DLG2: variants seen among roughly 807,000 people sequenced by gnomAD.
The protein encoded by DLG2 is discs large MAGUK scaffold protein 2.
In DLG2, 45 loss-of-function variants were observed where a neutral mutation model predicts 132.5. The observed-to-expected ratio is 0.34, with a 90% CI of 0.27 to 0.44. The LOEUF is 0.44. Among genes scored for constraint, DLG2 ranks in the 20% least tolerant of loss-of-function variants. The pLI is 1.00. For synonymous variants in DLG2, 424 were observed against 419.6 expected, an observed-to-expected ratio of 1.01 and a Z score of -0.13; for missense variants, 1,045 against 1,196.9, an observed-to-expected ratio of 0.87 and a Z score of 1.87.
intron 4 of DLG2, among the ~76,000 whole-genome samples, chr11:85,273,762 C>G (rs565374005): frequency 6.6e-6 from 1 of 152,266 alleles, no homozygotes; most frequent in Admixed American, 6.5e-5. Context: ...TGGGTATATA[C>G]CCAAAGGATT....
chr11:83,495,837 A>G (rs2094122023), intron 21 of DLG2, among the ~76,000 whole-genome samples: 1 of 152,206 alleles, frequency 6.6e-6, no homozygotes, highest in Admixed American at 6.5e-5. Flanking sequence ...TTATTAAGGG[A>G]TAGATTACAG....
At chr11:85,493,182 T>C (rs554795286) in intron 3 of DLG2, among the ~76,000 whole-genome samples, 1 of 152,184 alleles carries the variant, frequency 6.6e-6, no homozygotes, top group African/African-American at 2.4e-5. Context: ...TATATGGTAG[T>C]AGTACATGAG....
intron 6 of DLG2, among the ~76,000 whole-genome samples, chr11:84,679,928 A>G (rs2153705350): frequency 6.6e-6 from 1 of 152,264 alleles, no homozygotes; most frequent in East Asian, 1.9e-4. Context: ...TGACTATTAC[A>G]GCCACACTTT....
intron 4 of DLG2, among the ~76,000 whole-genome samples, chr11:85,209,366 C>T (rs1311539191): frequency 6.6e-6 from 1 of 150,892 alleles, no homozygotes; most frequent in Non-Finnish European, 1.5e-5. Flanking sequence ...CATCAAAGAC[C>T]ATGGAGCAGA....
chr11:85,434,604 C>G (rs754382498), intron 3 of DLG2, among the ~76,000 whole-genome samples: 2 of 152,096 alleles, frequency 1.3e-5, no homozygotes, highest in African/African-American at 4.8e-5. Flanking sequence ...GACACATATA[C>G]CCTCCCAAGA....
chr11:84,815,967 A>G (rs1256484966), intron 6 of DLG2, among the ~76,000 whole-genome samples: 1 of 151,860 alleles, frequency 6.6e-6, no homozygotes, highest in African/African-American at 2.4e-5. Context: ...ATTGGCTGTT[A>G]CTCTTTCAGT....
At chr11:85,264,738 TTC>T (rs2077116680) in intron 4 of DLG2, among the ~76,000 whole-genome samples, 1 of 152,142 alleles carries the variant, frequency 6.6e-6, no homozygotes, top group Non-Finnish European at 1.5e-5. Flanking sequence ...CTAAGCATCT[TTC>T]TCTCTCAAAA....
chr11:85,614,563 T>C lies in DLG2; in HGVS notation c.-93+12024A>G, dbSNP rs377134911. On this transcript the variant is annotated intron_variant, in intron 2 of 27. Coordinates refer to ENST00000376104, the MANE Select transcript of DLG2 (RefSeq NM_001142699.3). ...GCTGAGGCAGAAGAACAGCTTGAAC[T>C]TGGGAGGCAGAGGTTGCAGTAAGCC... Among the ~76,000 whole-genome samples the C allele has an allele frequency of 2.6e-5, 4 of 152,206 alleles. No individual in the cohort carries two copies. The East Asian group carries it at 5.8e-4, about 22-fold the overall frequency.
At chr11:85,312,110 T>C (rs2080351743) in intron 3 of DLG2, among the ~76,000 whole-genome samples, 1 of 152,034 alleles carries the variant, frequency 6.6e-6, no homozygotes, top group African/African-American at 2.4e-5. Flanking sequence ...CCATACTCTG[T>C]ACATTCCTCT....
chr11:84,761,886 C>T (rs1027058916), intron 6 of DLG2, among the ~76,000 whole-genome samples: 1 of 152,188 alleles, frequency 6.6e-6, no homozygotes, highest in East Asian at 1.9e-4. Flanking sequence ...TTCTGTCCCT[C>T]TAGAAAACCC....
chr11:84,664,444 C>T (rs141971483), intron 6 of DLG2, among the ~76,000 whole-genome samples: 1 of 152,262 alleles, frequency 6.6e-6, no homozygotes, highest in East Asian at 1.9e-4. Flanking sequence ...AAGACTTTGA[C>T]AAATGTTTAT....
At chr11:83,882,975 C>CGAGAATA (rs1317863687) in intron 15 of DLG2, among the ~76,000 whole-genome samples, 2 of 152,204 alleles carry the variant, frequency 1.3e-5, no homozygotes, top group African/African-American at 2.4e-5. Flanking sequence ...TCCTGTGCCA[C>CGAGAATA]TGCGACCCAT....
intron 6 of DLG2, among the ~76,000 whole-genome samples, chr11:84,718,869 C>T (rs562982817): frequency 3.9e-5 from 6 of 152,228 alleles, no homozygotes; most frequent in South Asian, 2.1e-4. Context: ...AAGATCTCTT[C>T]GGGGTTTCCA....
At chr11:83,547,036 C>G (rs2096260048) in intron 19 of DLG2, among the ~76,000 whole-genome samples, 1 of 152,068 alleles carries the variant, frequency 6.6e-6, no homozygotes, top group African/African-American at 2.4e-5. Flanking sequence ...GCAACTCTTT[C>G]CAGCTCAAAA....
At chr11:84,850,674 T>C (rs2082066590) in intron 6 of DLG2, among the ~76,000 whole-genome samples, 1 of 151,952 alleles carries the variant, frequency 6.6e-6, no homozygotes, top group South Asian at 2.1e-4. Flanking sequence ...AAAAAGCTAA[T>C]AGAATAAACA....
At chr11:84,659,918 G>A (rs2099692642) in intron 6 of DLG2, among the ~76,000 whole-genome samples, 1 of 152,128 alleles carries the variant, frequency 6.6e-6, no homozygotes, top group Non-Finnish European at 1.5e-5. Context: ...ATTGGGCAAG[G>A]TCCAGAAGAG....
At chr11:83,634,726 T>A (rs17545663) in intron 18 of DLG2, among the ~76,000 whole-genome samples, 2,083 of 152,328 alleles carry the variant, frequency 0.014, 20 homozygotes, top group Middle Eastern at 0.031. Flanking sequence ...ACTTACTGGA[T>A]ATGTATTGAT....
intron 3 of DLG2, among the ~76,000 whole-genome samples, chr11:85,535,546 T>G (rs140321328): frequency 6.6e-6 from 1 of 152,152 alleles, no homozygotes; most frequent in Non-Finnish European, 1.5e-5. Context: ...GGATTGCAAA[T>G]TAGTGAAACC....
intron 4 of DLG2, among the ~76,000 whole-genome samples, chr11:85,172,544 C>T (rs1009037148): frequency 6.6e-6 from 1 of 152,136 alleles, no homozygotes; most frequent in African/African-American, 2.4e-5. Flanking sequence ...ACTCAAAAAG[C>T]CAGAGTGCCT....
Sources: gnomAD v4.1 joint callset for allele counts (sites outside exome capture counted in the v4.1 genomes callset) on GRCh38, gnomAD v4.1.1 for gene constraint, MANE v1.5 for transcripts, NCBI Gene and HGNC (gene_info 2026-07-23, HGNC 2026-07-21) for gene names.